Variants in NFIL3 observed in about 807,000 individuals in gnomAD.
NFIL3 encodes the protein nuclear factor interleukin-3-regulated protein.
Under a neutral mutation model 10.0 loss-of-function variants are expected in NFIL3, and 5 were observed. The observed-to-expected ratio is 0.50, with a 90% CI of 0.26 to 1.06. The LOEUF is 1.06. Among genes scored for constraint, NFIL3 ranks in the 50% least tolerant of loss-of-function variants. The probability of loss-of-function intolerance (pLI) is 0.13; values close to 1 mark genes in which losing one functional copy is unlikely to be tolerated. For missense variants in NFIL3, 436 were observed against 547.6 expected (o/e 0.80, Z 2.03); for synonymous variants, 202 against 206.5 (o/e 0.98, Z 0.19).
At chr9:91,464,156 T>C in the NFIL3 span, among the ~76,000 whole-genome samples, 1 of 152,136 alleles carries the variant, frequency 6.6e-6, no homozygotes, top group Admixed American at 6.6e-5. Flanking sequence ...ATTATTGGTA[T>C]AGTTGGTTAA....
chr9:91,409,132 C>G lies in NFIL3; in HGVS notation c.*214G>C. Reference sequence around the variant, plus strand: ...CAAAAATAATGTTCAATATATACAGCCTTCGCATGGACTATCTGACTATAC... The same window carrying G: ...CAAAAATAATGTTCAATATATACAGGCTTCGCATGGACTATCTGACTATAC... On this transcript the variant is annotated 3_prime_UTR_variant, in exon 2 of 2. Coordinates refer to ENST00000297689, the MANE Select transcript of NFIL3 (RefSeq NM_005384.3). The G allele has an allele frequency of 2.0e-6, 1 of 501,590 alleles. No homozygotes were observed. The highest frequency in any genetic ancestry group is 3.1e-5 in the East Asian group (1 of 31,998). 31.1% of individuals were successfully genotyped at this position (501,590 alleles called of 1,614,324 possible).
Position 91,413,099 on chromosome 9 carries a change from G to A in NFIL3, c.-172-2193C>T, listed in dbSNP as rs1031159588. On this transcript the variant is annotated intron_variant, in intron 1 of 1. Coordinates refer to ENST00000297689, the MANE Select transcript of NFIL3 (RefSeq NM_005384.3). ...AACATAGTTAAGGGAACAGCTAGTC[G>A]TAACTCAGAGAAATTTGTGATTATT... Among the ~76,000 whole-genome samples the A allele has an allele frequency of 1.7e-4, 26 of 152,090 alleles. 1 individual carries two copies. The East Asian group carries it at 3.9e-3, about 23-fold the overall frequency.
the NFIL3 span, among the ~76,000 whole-genome samples, chr9:91,446,700 A>G: frequency 6.6e-6 from 1 of 152,146 alleles, no homozygotes; most frequent in Non-Finnish European, 1.5e-5. Context: ...ATATTAGTGG[A>G]ATCATACAAT....
the NFIL3 span, among the ~76,000 whole-genome samples, chr9:91,461,324 C>G: frequency 6.6e-6 from 1 of 152,068 alleles, no homozygotes; most frequent in East Asian, 1.9e-4. Flanking sequence ...AAAATAAATT[C>G]AGGTAAAAAT....
chr9:91,434,522 C>T, the NFIL3 span, among the ~76,000 whole-genome samples: 1 of 152,044 alleles, frequency 6.6e-6, no homozygotes, highest in Non-Finnish European at 1.5e-5. Flanking sequence ...TATGGGAGAA[C>T]AGGTCTACAT....
chr9:91,429,806 C>T, the NFIL3 span, among the ~76,000 whole-genome samples: 111 of 152,112 alleles, frequency 7.3e-4, 1 homozygote, highest in African/African-American at 2.6e-3. Flanking sequence ...AGCCAGCTCT[C>T]GGGCAGTCAC....
At position 91,409,642 on chromosome 9, in the gene NFIL3, G is replaced by A; in HGVS notation, c.1093C>T (p.Leu365Phe). 1 of 1,614,228 alleles carries A rather than the reference G, an allele frequency of 6.2e-7. No individual in the cohort carries two copies. The highest frequency in any genetic ancestry group is 8.5e-7 in the Non-Finnish European group (1 of 1,180,046). The change falls in exon 2 of 2, where the codon CTC (leucine) becomes TTC (phenylalanine). Residue 365 changes from leucine (L) to phenylalanine (F), a missense_variant. Coordinates refer to ENST00000297689, the MANE Select transcript of NFIL3 (RefSeq NM_005384.3). Reference protein sequence around the residue: ...IDMTSKRHFELEKHSAPSMVH... With the variant: ...IDMTSKRHFEFEKHSAPSMVH... ...ATACTTGGGGCACTATGCTTTTCGA[G>A]TTCGAAATGTCTTTTAGATGTCATG...
At chr9:91,434,445 C>T in the NFIL3 span, among the ~76,000 whole-genome samples, 1 of 152,022 alleles carries the variant, frequency 6.6e-6, no homozygotes, top group East Asian at 1.9e-4. Flanking sequence ...TCATTCCAAG[C>T]ATAAAAATAT....
At chr9:91,453,783 G>A in the NFIL3 span, among the ~76,000 whole-genome samples, 2,478 of 152,098 alleles carry the variant, frequency 0.016, 107 homozygotes, top group African/African-American at 0.058. Flanking sequence ...ATTAAAAATA[G>A]CCACAAAATG....
At chr9:91,436,405 C>T in the NFIL3 span, among the ~76,000 whole-genome samples, 1 of 151,908 alleles carries the variant, frequency 6.6e-6, no homozygotes, top group Non-Finnish European at 1.5e-5. Flanking sequence ...GGTGAAACCT[C>T]GTCTCTACTA....
intron 1 of NFIL3, among the ~76,000 whole-genome samples, chr9:91,418,772 C>T (rs1833705062): frequency 6.6e-6 from 1 of 152,010 alleles, no homozygotes; most frequent in Non-Finnish European, 1.5e-5. Flanking sequence ...CAAATGGCAT[C>T]TAGCAAATCT....
At chr9:91,471,293 T>C in the NFIL3 span, among the ~76,000 whole-genome samples, 1 of 152,108 alleles carries the variant, frequency 6.6e-6, no homozygotes, top group Non-Finnish European at 1.5e-5. Flanking sequence ...TTTTGATGTT[T>C]GTTGGTTTAA....
At chr9:91,463,637 G>C in the NFIL3 span, among the ~76,000 whole-genome samples, 1 of 152,098 alleles carries the variant, frequency 6.6e-6, no homozygotes, top group African/African-American at 2.4e-5. Flanking sequence ...GCATTCTGCT[G>C]CTGTTGGGCG....
chr9:91,421,802 C>T (rs903188856), intron 1 of NFIL3, among the ~76,000 whole-genome samples: 1 of 152,094 alleles, frequency 6.6e-6, no homozygotes, highest in African/African-American at 2.4e-5. Flanking sequence ...GAGACGTCCA[C>T]CCCCCACCTC....
chr9:91,465,976 GGTGTGT>G, the NFIL3 span, among the ~76,000 whole-genome samples: 1 of 150,772 alleles, frequency 6.6e-6, no homozygotes, highest in Admixed American at 6.6e-5. Flanking sequence ...TAAAGGGTGT[GGTGTGT>G]GTGTGTGTGT....
At chr9:91,421,217 C>A (rs964042277) in intron 1 of NFIL3, among the ~76,000 whole-genome samples, 1 of 148,548 alleles carries the variant, frequency 6.7e-6, no homozygotes, top group African/African-American at 2.4e-5. Flanking sequence ...CGCGCTGCCC[C>A]TGTCTGCCCC....
the NFIL3 span, among the ~76,000 whole-genome samples, chr9:91,431,021 AC>A: frequency 6.6e-6 from 1 of 152,184 alleles, no homozygotes; most frequent in Non-Finnish European, 1.5e-5. Flanking sequence ...GTGGTTGGTG[AC>A]CAAGGGAACC....
At chr9:91,481,639 A>AT in the NFIL3 span, among the ~76,000 whole-genome samples, 29,465 of 151,916 alleles carry the variant, frequency 0.19, 2,981 homozygotes, top group Middle Eastern at 0.22. Context: ...TTTGCTTTTG[A>AT]TTTTGCGGTT....
the NFIL3 span, among the ~76,000 whole-genome samples, chr9:91,454,693 G>T: frequency 6.6e-6 from 1 of 151,980 alleles, no homozygotes; most frequent in South Asian, 2.1e-4. Context: ...TTAGCAGCTT[G>T]TGGTGGCACG....
Sources: gnomAD v4.1 joint callset for allele counts (sites outside exome capture counted in the v4.1 genomes callset) on GRCh38, gnomAD v4.1.1 for gene constraint, MANE v1.5 for transcripts, NCBI Gene and HGNC (gene_info 2026-07-23, HGNC 2026-07-21) for gene names.